Variants in EPM2A observed in about 807,000 individuals in gnomAD.
The protein encoded by EPM2A is EPM2A glucan phosphatase, laforin.
In EPM2A, 21 loss-of-function variants were observed where a neutral mutation model predicts 26.5. The ratio of observed to expected loss-of-function variants is 0.79; its 90% confidence interval spans 0.56 to 1.14. EPM2A has a LOEUF of 1.14. Among genes scored for constraint, EPM2A ranks in the 50% most tolerant of loss-of-function variants. EPM2A has a pLI of 0.00. For synonymous variants in EPM2A, 217 were observed against 177.6 expected (o/e 1.22, Z -1.76); for missense variants, 458 against 440.8 (o/e 1.04, Z -0.35).
At chr6:145,677,415 G>T (rs1780139823) in intron 2 of EPM2A, among the ~76,000 whole-genome samples, 1 of 152,124 alleles carries the variant, frequency 6.6e-6, no homozygotes, top group Non-Finnish European at 1.5e-5. Context: ...TCAACATAGT[G>T]TTGGAAGTTC....
At chr6:145,558,709 C>T (rs1159691341) in intron 2 of EPM2A, among the ~76,000 whole-genome samples, 1 of 151,630 alleles carries the variant, frequency 6.6e-6, no homozygotes, top group East Asian at 1.9e-4. Context: ...TATTCAGATC[C>T]TTTGCCAATT....
At chr6:145,531,610 A>C (rs1296766742) in intron 2 of EPM2A, among the ~76,000 whole-genome samples, 1 of 152,180 alleles carries the variant, frequency 6.6e-6, no homozygotes, top group East Asian at 1.9e-4. Context: ...ACACGCCCTC[A>C]GATCCTCTTT....
chr6:145,685,559 A>G (rs702321), intron 2 of EPM2A, among the ~76,000 whole-genome samples: 82,240 of 152,046 alleles, frequency 0.54, 22,756 homozygotes, highest in East Asian at 0.67. Flanking sequence ...TAAAGTGATT[A>G]AAAATAATCA....
chr6:145,547,558 T>C (rs1251819621), intron 2 of EPM2A, among the ~76,000 whole-genome samples: 1 of 152,132 alleles, frequency 6.6e-6, no homozygotes, highest in African/African-American at 2.4e-5. Context: ...AAATATAGAT[T>C]CTATCTAAAT....
chr6:145,506,649 A>G (rs569816164), intron 2 of EPM2A, among the ~76,000 whole-genome samples: 1 of 152,312 alleles, frequency 6.6e-6, no homozygotes, highest in East Asian at 1.9e-4. Flanking sequence ...AAGCATATGG[A>G]AAAGAAAATA....
intron 1 of EPM2A, among the ~76,000 whole-genome samples, chr6:145,704,564 A>C (rs950179433): frequency 1.8e-4 from 28 of 152,236 alleles, no homozygotes; most frequent in African/African-American, 6.5e-4. Flanking sequence ...TCTAAATTTC[A>C]AGATTAAATG....
intron 2 of EPM2A, among the ~76,000 whole-genome samples, chr6:145,592,421 T>C (rs1363270675): frequency 2.0e-5 from 3 of 152,030 alleles, no homozygotes; most frequent in Non-Finnish European, 2.9e-5. Context: ...TGTTGGACAT[T>C]TGGGTTGGTT....
At chr6:145,526,726 C>G (rs1363017007) in intron 2 of EPM2A, among the ~76,000 whole-genome samples, 1 of 151,930 alleles carries the variant, frequency 6.6e-6, no homozygotes, top group African/African-American at 2.4e-5. Context: ...CTTGTATATC[C>G]TTTCAAAGAA....
chr6:145,577,884 C>T (rs73004577), intron 2 of EPM2A, among the ~76,000 whole-genome samples: 1,980 of 151,936 alleles, frequency 0.013, 39 homozygotes, highest in Admixed American at 0.056. Flanking sequence ...AGCTAGAAAT[C>T]AATAACAAGA....
intron 2 of EPM2A, among the ~76,000 whole-genome samples, chr6:145,540,596 A>T (rs1582836773): frequency 6.6e-6 from 1 of 152,222 alleles, no homozygotes; most frequent in Non-Finnish European, 1.5e-5. Context: ...GAACCAAAGC[A>T]TGAATCTCCA....
At chr6:145,602,867 G>A (rs1781432712) in intron 2 of EPM2A, among the ~76,000 whole-genome samples, 1 of 152,142 alleles carries the variant, frequency 6.6e-6, no homozygotes. Flanking sequence ...ACAAAAATGT[G>A]TGACCCAAAG....
intron 2 of EPM2A, among the ~76,000 whole-genome samples, chr6:145,504,260 A>G (rs1011607292): frequency 8.7e-6 from 1 of 115,196 alleles, no homozygotes; most frequent in African/African-American, 3.1e-5. Flanking sequence ...TAATTAAACT[A>G]AAGAGCTTCT....
At chr6:145,572,016 T>C (rs536129657) in intron 2 of EPM2A, among the ~76,000 whole-genome samples, 2 of 152,320 alleles carry the variant, frequency 1.3e-5, no homozygotes, top group South Asian at 4.1e-4. Context: ...TCATGCTTCT[T>C]CCAAGTCGCT....
At chr6:145,704,201 G>A (rs1236073095) in intron 1 of EPM2A, among the ~76,000 whole-genome samples, 1 of 152,160 alleles carries the variant, frequency 6.6e-6, no homozygotes, top group African/African-American at 2.4e-5. Flanking sequence ...TTTTTTAAAT[G>A]AATGGTAGTG....
chr6:145,445,057 G>A (rs1450848564), intron 4 of EPM2A, among the ~76,000 whole-genome samples: 3 of 152,170 alleles, frequency 2.0e-5, no homozygotes, highest in African/African-American at 4.8e-5. Flanking sequence ...GGTGCTGTGT[G>A]TGTATATTAG....
chr6:145,556,821 T>A (rs535705237), intron 2 of EPM2A, among the ~76,000 whole-genome samples: 1 of 152,238 alleles, frequency 6.6e-6, no homozygotes, highest in East Asian at 1.9e-4. Flanking sequence ...TTCCATTCTG[T>A]CTTTGAACAT....
intron 2 of EPM2A, among the ~76,000 whole-genome samples, chr6:145,656,751 A>G (rs1376589561): frequency 6.6e-6 from 1 of 152,134 alleles, no homozygotes; most frequent in South Asian, 2.1e-4. Context: ...TTTCTCACCC[A>G]GCATATCTAT....
intron 1 of EPM2A, among the ~76,000 whole-genome samples, chr6:145,713,670 T>G (rs1775461925): frequency 6.6e-6 from 1 of 152,166 alleles, no homozygotes; most frequent in Non-Finnish European, 1.5e-5. Flanking sequence ...GTCTGGAATT[T>G]CCTCAAAAAG....
chr6:145,466,706 C>T lies in EPM2A; in HGVS notation c.555+35816G>A, dbSNP rs916102917. ...GACACATGCACAGGTATGTTTATTG[C>T]GGCATTATTCACAATAGCAAAGACT... On this transcript the variant is annotated intron_variant, in intron 4 of 4. Coordinates refer to the EPM2A transcript ENST00000638717. Among the ~76,000 whole-genome samples, 70 of 152,186 alleles carry T rather than the reference C, an allele frequency of 4.6e-4. No homozygotes were observed. The South Asian group carries it at 6.6e-3, about 14-fold the overall frequency.
Sources: gnomAD v4.1 joint callset for allele counts (sites outside exome capture counted in the v4.1 genomes callset) on GRCh38, gnomAD v4.1.1 for gene constraint, MANE v1.5 for transcripts, NCBI Gene and HGNC (gene_info 2026-07-23, HGNC 2026-07-21) for gene names.